AFF2: variants seen among roughly 807,000 people sequenced by gnomAD.
AFF2 encodes ALF transcription elongation factor 2.
Under a neutral mutation model 76.9 loss-of-function variants are expected in AFF2, and 14 were observed. That is an observed-to-expected ratio of 0.18 (90% CI 0.12 to 0.28). The LOEUF is 0.28. Ranked by LOEUF, AFF2 falls within the 10% of genes least tolerant of loss-of-function variation. The pLI is 1.00. For synonymous variants in AFF2, 398 were observed against 366.7 expected, an observed-to-expected ratio of 1.09 and a Z score of -0.98; for missense variants, 868 against 1,001.1, an observed-to-expected ratio of 0.87 and a Z score of 1.79.
chrX:148,750,632 A>G (rs1179348487), intron 3 of AFF2, among the ~76,000 whole-genome samples: 3 of 111,728 alleles, frequency 2.7e-5, no homozygotes, highest in Admixed American at 9.6e-5. Context: ...TCTGGATCCT[A>G]TGCAACCCTG....
At chrX:148,553,815 G>A (rs1221702113) in intron 1 of AFF2, among the ~76,000 whole-genome samples, 2 of 112,274 alleles carry the variant, frequency 1.8e-5, no homozygotes, top group African/African-American at 6.5e-5. Context: ...ACAATCTACA[G>A]AGTGCTCCCA....
At chrX:148,930,972 G>T (rs2071704522) in intron 9 of AFF2, among the ~76,000 whole-genome samples, 1 of 111,949 alleles carries the variant, frequency 8.9e-6, no homozygotes, top group Non-Finnish European at 1.9e-5. Flanking sequence ...TTCATATGCA[G>T]CCGGGCACGG....
At chrX:148,635,128 A>T (rs1350524525) in intron 1 of AFF2, among the ~76,000 whole-genome samples, 2 of 111,503 alleles carry the variant, frequency 1.8e-5, no homozygotes, top group African/African-American at 6.5e-5. Context: ...GACTTTGCAG[A>T]TGTGATTAAG....
At chrX:148,815,343 T>C (rs2070251948) in intron 4 of AFF2, among the ~76,000 whole-genome samples, 2 of 111,780 alleles carry the variant, frequency 1.8e-5, no homozygotes, top group South Asian at 7.4e-4. Flanking sequence ...GGGTAAATTA[T>C]GTGCAGTATT....
intron 7 of AFF2, among the ~76,000 whole-genome samples, chrX:148,850,284 T>TTA (rs1296310725): frequency 8.9e-6 from 1 of 112,352 alleles, no homozygotes; most frequent in Non-Finnish European, 1.9e-5. Flanking sequence ...CCTTTCATGC[T>TTA]TACCAACTTG....
chrX:148,790,094 A>G (rs1557269832), intron 3 of AFF2, among the ~76,000 whole-genome samples: 1 of 112,094 alleles, frequency 8.9e-6, no homozygotes, highest in East Asian at 2.8e-4. Flanking sequence ...GATATGTTGA[A>G]TTGCCCAAAC....
At chrX:148,563,648 T>A (rs955639295) in intron 1 of AFF2, among the ~76,000 whole-genome samples, 1 of 112,338 alleles carries the variant, frequency 8.9e-6, no homozygotes, top group Non-Finnish European at 1.9e-5. Context: ...AGATGGTTTT[T>A]CACAAAGGAC....
At chrX:148,583,162 C>T (rs2124357976) in intron 1 of AFF2, among the ~76,000 whole-genome samples, 1 of 111,546 alleles carries the variant, frequency 9.0e-6, no homozygotes, top group South Asian at 3.7e-4. Flanking sequence ...AAATAGTGTT[C>T]TGGAATTAAT....
chrX:148,874,884 G>T (rs915097314), intron 7 of AFF2, among the ~76,000 whole-genome samples: 5 of 111,928 alleles, frequency 4.5e-5, no homozygotes, highest in African/African-American at 1.6e-4. Flanking sequence ...TTGAAATTTG[G>T]AGAGAGATGG....
chrX:148,715,310 G>T (rs183823289), intron 3 of AFF2, among the ~76,000 whole-genome samples: 1 of 111,756 alleles, frequency 8.9e-6, no homozygotes, highest in Non-Finnish European at 1.9e-5. Flanking sequence ...AATGTCACTA[G>T]ATTTAGTTTC....
At chrX:148,565,932 C>A (rs1356771821) in intron 1 of AFF2, among the ~76,000 whole-genome samples, 1 of 111,014 alleles carries the variant, frequency 9.0e-6, no homozygotes, top group African/African-American at 3.3e-5. Context: ...ATAAAATATA[C>A]ATGCATATCT....
At chrX:148,989,928 T>C (rs2072516297) in intron 20 of AFF2, among the ~76,000 whole-genome samples, 1 of 111,981 alleles carries the variant, frequency 8.9e-6, no homozygotes, top group African/African-American at 3.2e-5. Context: ...ATTAAAATGG[T>C]GTCTAATTAA....
At chrX:148,610,042 C>T (rs1317760912) in intron 1 of AFF2, among the ~76,000 whole-genome samples, 1 of 111,710 alleles carries the variant, frequency 9.0e-6, no homozygotes, top group Non-Finnish European at 1.9e-5. Flanking sequence ...ATGAACCTCA[C>T]TTCCCTTATC....
At chrX:148,675,286 A>G (rs1338521674) in intron 3 of AFF2, among the ~76,000 whole-genome samples, 1 of 111,312 alleles carries the variant, frequency 9.0e-6, no homozygotes, top group Non-Finnish European at 1.9e-5. Context: ...TGATGGAGAA[A>G]AAAAAAAAGG....
At chrX:148,928,720 ATCATTTCAGGC>A (rs1321795345) in intron 9 of AFF2, among the ~76,000 whole-genome samples, 2 of 112,343 alleles carry the variant, frequency 1.8e-5, no homozygotes, top group African/African-American at 6.5e-5. Context: ...TACCATGTCC[ATCATTTCAGGC>A]TCTGCAGACC....
intron 3 of AFF2, among the ~76,000 whole-genome samples, chrX:148,765,810 C>T (rs2069506759): frequency 9.4e-6 from 1 of 106,153 alleles, no homozygotes; most frequent in Non-Finnish European, 1.9e-5. Context: ...CTCACTAACT[C>T]GTCATCTAGC....
At chrX:148,627,102 T>C (rs1439515218) in intron 1 of AFF2, among the ~76,000 whole-genome samples, 2 of 111,430 alleles carry the variant, frequency 1.8e-5, no homozygotes, top group Non-Finnish European at 3.8e-5. Context: ...TCCTAGCTAC[T>C]CCAGAGACTG....
chrX:148,801,408 A>T (rs782130612), intron 3 of AFF2, among the ~76,000 whole-genome samples: 4 of 111,817 alleles, frequency 3.6e-5, no homozygotes, highest in Non-Finnish European at 5.6e-5. Flanking sequence ...AATTTCCAGT[A>T]ACCACACCCC....
chrX:148,764,596 C>A (rs1409606785), intron 3 of AFF2, among the ~76,000 whole-genome samples: 1 of 112,257 alleles, frequency 8.9e-6, no homozygotes, highest in Non-Finnish European at 1.9e-5. Context: ...TCTTGAGAAT[C>A]TGATTTAATT....
Sources: gnomAD v4.1 joint callset for allele counts (sites outside exome capture counted in the v4.1 genomes callset) on GRCh38, gnomAD v4.1.1 for gene constraint, MANE v1.5 for transcripts, NCBI Gene and HGNC (gene_info 2026-07-23, HGNC 2026-07-21) for gene names.